The following SLC4A4 variants were observed in gnomAD, a reference collection of about 807,000 sequenced individuals.
SLC4A4 encodes the protein solute carrier family 4 member 4, also known as electrogenic sodium bicarbonate cotransporter 1.
A neutral mutation model predicts 111.5 loss-of-function variants in SLC4A4; 27 were observed. That is an observed-to-expected ratio of 0.24 (90% confidence interval 0.18 to 0.33). SLC4A4 has a LOEUF of 0.33. Ranked by LOEUF, SLC4A4 falls within the 10% of genes least tolerant of loss-of-function variation. The pLI is 1.00. For missense variants in SLC4A4, 909 were observed against 1,315.5 expected, an observed-to-expected ratio of 0.69 and a Z score of 4.78; for synonymous variants, 443 against 463.4, an observed-to-expected ratio of 0.96 and a Z score of 0.57.
intron 1 of SLC4A4, among the ~76,000 whole-genome samples, chr4:71,187,941 G>A (rs189007122): frequency 9.2e-4 from 140 of 152,334 alleles, no homozygotes; most frequent in Admixed American, 2.1e-3. Context: ...CGGGGGGTGA[G>A]TCAGGCAGAT....
At chr4:71,534,481 G>C in intron 18 of SLC4A4, 93 bp downstream of exon 18, 1 of 1,223,428 alleles carries the variant, frequency 8.2e-7, no homozygotes, top group Admixed American at 1.8e-5. Context: ...AGCTTTGTTG[G>C]GAGTTACTAT....
At chr4:71,444,316 C>T (rs898926494) in intron 8 of SLC4A4, among the ~76,000 whole-genome samples, 16 of 151,964 alleles carry the variant, frequency 1.1e-4, no homozygotes, top group Admixed American at 3.3e-4. Context: ...AGGCATCTTC[C>T]GCAGGCATAA....
chr4:71,334,615 G>A (rs1272623838), intron 3 of SLC4A4, among the ~76,000 whole-genome samples: 1 of 152,124 alleles, frequency 6.6e-6, no homozygotes, highest in Admixed American at 6.5e-5. Flanking sequence ...TATGACACAC[G>A]ATTTTGGAAT....
chr4:71,156,586 G>GCACACA (rs1553957328), intron 2 of SLC4A4, among the ~76,000 whole-genome samples: 2 of 108,428 alleles, frequency 1.8e-5, no homozygotes, highest in African/African-American at 7.4e-5. Flanking sequence ...GCGCGCGCGC[G>GCACACA]CGCACACACA....
rs552825797 is a variant in SLC4A4 at position 71,257,688 on chromosome 4, T to C, written c.253+2289T>C. On this transcript the variant is annotated intron_variant, in intron 3 of 25. Coordinates refer to ENST00000264485, the MANE Select transcript of SLC4A4 (RefSeq NM_001098484.3). ...ACAGTTTCTGTTGTTCTGTGACCTA[T>C]GGTGTTTGAGTTGCTTATGTCCATA... is the stretch of plus-strand genomic sequence containing the variant. Among the ~76,000 whole-genome samples, 9 of 152,324 alleles carry C rather than the reference T, an allele frequency of 5.9e-5. No individual in the cohort carries two copies. The South Asian group carries it at 1.9e-3, about 32-fold the overall frequency.
At chr4:71,264,047 A>G (rs1377384021) in intron 3 of SLC4A4, among the ~76,000 whole-genome samples, 1 of 152,162 alleles carries the variant, frequency 6.6e-6, no homozygotes, top group African/African-American at 2.4e-5. Context: ...TGAATGTGTC[A>G]CTGAGGCTGT....
At chr4:71,282,619 A>C (rs973734569) in intron 3 of SLC4A4, among the ~76,000 whole-genome samples, 1 of 146,734 alleles carries the variant, frequency 6.8e-6, no homozygotes. Flanking sequence ...GTCTCACTCT[A>C]TTGTCTAGGC....
chr4:71,180,219 T>C (rs1393193979), intron 2 of SLC4A4, among the ~76,000 whole-genome samples: 1 of 152,184 alleles, frequency 6.6e-6, no homozygotes, highest in Non-Finnish European at 1.5e-5. Flanking sequence ...ATTAAGGACT[T>C]ACAGGTTAGA....
At chr4:71,481,727 A>G (rs1214180698) in intron 14 of SLC4A4, among the ~76,000 whole-genome samples, 1 of 145,576 alleles carries the variant, frequency 6.9e-6, no homozygotes, top group Non-Finnish European at 1.5e-5. Flanking sequence ...TCACAGATAC[A>G]TTTGTAAATG....
intron 1 of SLC4A4, among the ~76,000 whole-genome samples, chr4:71,235,180 G>C (rs1428505623): frequency 6.6e-6 from 1 of 152,162 alleles, no homozygotes; most frequent in Non-Finnish European, 1.5e-5. Flanking sequence ...CTTTGCTCCA[G>C]GTAGCACACT....
At chr4:71,071,257 G>A (rs1414636078) in intron 1 of SLC4A4, among the ~76,000 whole-genome samples, 5 of 125,590 alleles carry the variant, frequency 4.0e-5, no homozygotes, top group African/African-American at 1.5e-4. Flanking sequence ...GCGACAGAGT[G>A]AGACCGTCTT....
At chr4:71,481,581 C>T (rs1238260220) in intron 14 of SLC4A4, among the ~76,000 whole-genome samples, 2 of 151,720 alleles carry the variant, frequency 1.3e-5, no homozygotes, top group East Asian at 3.9e-4. Context: ...AAGAAGTCAG[C>T]TTAAATGCCT....
chr4:71,103,673 C>G (rs1386061985), intron 2 of SLC4A4, among the ~76,000 whole-genome samples: 6 of 151,904 alleles, frequency 3.9e-5, no homozygotes, highest in African/African-American at 1.5e-4. Flanking sequence ...GAATGACTAC[C>G]GGATACATAA....
At chr4:71,348,091 G>A (rs1729488289) in intron 4 of SLC4A4, among the ~76,000 whole-genome samples, 1 of 152,054 alleles carries the variant, frequency 6.6e-6, no homozygotes, top group Non-Finnish European at 1.5e-5. Flanking sequence ...GCGATTCTAT[G>A]AGCAAGCATG....
At chr4:71,388,457 T>C (rs1358147529) in intron 6 of SLC4A4, among the ~76,000 whole-genome samples, 1 of 152,212 alleles carries the variant, frequency 6.6e-6, no homozygotes, top group African/African-American at 2.4e-5. Context: ...GGAGATTTTG[T>C]ATGCCTTATT....
At chr4:71,073,099 T>C (rs1426693782) in intron 1 of SLC4A4, among the ~76,000 whole-genome samples, 1 of 152,148 alleles carries the variant, frequency 6.6e-6, no homozygotes, top group Non-Finnish European at 1.5e-5. Flanking sequence ...TTGTTGATTG[T>C]ATTAATACAT....
chr4:71,350,102 T>G, intron 5 of SLC4A4, 30 bp downstream of exon 5: 1 of 1,613,114 alleles, frequency 6.2e-7, no homozygotes, highest in Non-Finnish European at 8.5e-7. Context: ...TTTATCCTAT[T>G]TTTTTCGGCT....
At chr4:71,495,271 C>T (rs116778432) in intron 15 of SLC4A4, among the ~76,000 whole-genome samples, 1,893 of 152,176 alleles carry the variant, frequency 0.012, 21 homozygotes, top group Non-Finnish European at 0.018. Flanking sequence ...TGCTTTAATG[C>T]AACTTATCTG....
At chr4:71,343,589 C>T (rs1289727356) in intron 4 of SLC4A4, among the ~76,000 whole-genome samples, 1 of 152,192 alleles carries the variant, frequency 6.6e-6, no homozygotes, top group Non-Finnish European at 1.5e-5. Flanking sequence ...TTTCTCTACA[C>T]CCAATATCTG....
Sources: allele counts gnomAD v4.1 joint callset (sites outside exome capture counted in the v4.1 genomes callset), GRCh38; gene constraint gnomAD v4.1.1; transcripts MANE v1.5; gene names NCBI Gene and HGNC (gene_info 2026-07-23, HGNC 2026-07-21).